FAM135B: variants seen among roughly 807,000 people sequenced by gnomAD.
FAM135B encodes family with sequence similarity 135 member B.
FAM135B carries 43 observed loss-of-function variants against 127.7 expected under a neutral mutation model. The ratio of observed to expected loss-of-function variants is 0.34; its 90% CI spans 0.26 to 0.43. The LOEUF (loss-of-function observed/expected upper bound fraction) is 0.43, where lower values mean the gene tolerates loss of function less well. Ranked by LOEUF, FAM135B falls within the 20% of genes least tolerant of loss-of-function variation. The pLI, the probability that FAM135B is intolerant of heterozygous loss-of-function variation, is 1.00. For synonymous variants in FAM135B, 670 were observed against 665.1 expected (o/e 1.01, Z -0.11); for missense variants, 1,558 against 1,725.6 (o/e 0.90, Z 1.72).
chr8:138,277,778 G>GCTCAA (rs1404139811), intron 3 of FAM135B, among the ~76,000 whole-genome samples: 12 of 152,238 alleles, frequency 7.9e-5, no homozygotes, highest in African/African-American at 2.9e-4. Flanking sequence ...TGGATCATAT[G>GCTCAA]CATTTACTGC....
chr8:138,402,555 C>A (rs1833212001), intron 1 of FAM135B, among the ~76,000 whole-genome samples: 2 of 152,240 alleles, frequency 1.3e-5, no homozygotes, highest in African/African-American at 4.8e-5. Flanking sequence ...GATTCCCCTA[C>A]ATTAACTCAC....
chr8:138,426,142 A>G (rs1383108721), intron 1 of FAM135B, among the ~76,000 whole-genome samples: 5 of 149,426 alleles, frequency 3.3e-5, no homozygotes, highest in Non-Finnish European at 5.9e-5. Flanking sequence ...GTGTGTGTAT[A>G]TATATATATA....
chr8:138,406,758 C>A (rs889074708), intron 1 of FAM135B, among the ~76,000 whole-genome samples: 13 of 150,870 alleles, frequency 8.6e-5, no homozygotes, highest in African/African-American at 3.2e-4. Context: ...TGGGACGTAT[C>A]TCGAAATAAT....
chr8:138,201,465 T>G (rs970289667), intron 7 of FAM135B, among the ~76,000 whole-genome samples: 8 of 152,102 alleles, frequency 5.3e-5, no homozygotes, highest in African/African-American at 1.9e-4. Flanking sequence ...TAGAGAGTAT[T>G]ATAAACTAAA....
intron 7 of FAM135B, among the ~76,000 whole-genome samples, chr8:138,240,986 G>A (rs1422066057): frequency 6.6e-6 from 1 of 152,180 alleles, no homozygotes; most frequent in Non-Finnish European, 1.5e-5. Flanking sequence ...GACGTTCTGA[G>A]GGCCAGCACT....
At chr8:138,344,009 T>C (rs1022851899) in intron 2 of FAM135B, among the ~76,000 whole-genome samples, 10 of 152,158 alleles carry the variant, frequency 6.6e-5, no homozygotes, top group African/African-American at 2.4e-4. Context: ...CCAGCACCTC[T>C]GGCTGCTGTG....
chr8:138,302,179 A>C (rs1481888446), intron 3 of FAM135B, among the ~76,000 whole-genome samples: 2 of 152,132 alleles, frequency 1.3e-5, no homozygotes, highest in African/African-American at 2.4e-5. Context: ...GAGAAGAAAA[A>C]TGAATTCCAA....
At chr8:138,464,848 C>T (rs1257739650) in intron 1 of FAM135B, among the ~76,000 whole-genome samples, 1 of 152,216 alleles carries the variant, frequency 6.6e-6, no homozygotes, top group East Asian at 1.9e-4. Flanking sequence ...GAGTGTGGCC[C>T]TCTGCACAAC....
chr8:138,189,545 G>A (rs1815918844), intron 9 of FAM135B, among the ~76,000 whole-genome samples: 1 of 152,210 alleles, frequency 6.6e-6, no homozygotes. Context: ...AAAGAGCACT[G>A]ACTGTAACAC....
At chr8:138,480,630 A>C (rs1814734897) in intron 1 of FAM135B, among the ~76,000 whole-genome samples, 1 of 152,220 alleles carries the variant, frequency 6.6e-6, no homozygotes, top group South Asian at 2.1e-4. Flanking sequence ...AAACAAATTC[A>C]AAGGAAAGAG....
intron 7 of FAM135B, among the ~76,000 whole-genome samples, chr8:138,227,253 T>C (rs1039138745): frequency 6.6e-6 from 1 of 152,172 alleles, no homozygotes; most frequent in African/African-American, 2.4e-5. Flanking sequence ...CCAATTATCC[T>C]CTTTAAAAGT....
intron 1 of FAM135B, among the ~76,000 whole-genome samples, chr8:138,380,834 T>C (rs1165658778): frequency 6.6e-6 from 1 of 151,862 alleles, no homozygotes; most frequent in Admixed American, 6.6e-5. Flanking sequence ...ATCTCAGTTA[T>C]ACCCACTTCC....
At chr8:138,254,545 A>G (rs534884316) in intron 5 of FAM135B, among the ~76,000 whole-genome samples, 95 of 152,346 alleles carry the variant, frequency 6.2e-4, no homozygotes, top group African/African-American at 2.2e-3. Flanking sequence ...TAGGAGCACA[A>G]TAAAGTCAGG....
intron 1 of FAM135B, among the ~76,000 whole-genome samples, chr8:138,463,826 A>G (rs1035018575): frequency 2.6e-5 from 4 of 152,184 alleles, no homozygotes; most frequent in African/African-American, 9.6e-5. Context: ...AGGGTCGAGT[A>G]GAATGAGATT....
At chr8:138,443,405 T>C (rs1038876136) in intron 1 of FAM135B, among the ~76,000 whole-genome samples, 2 of 152,088 alleles carry the variant, frequency 1.3e-5, no homozygotes, top group Non-Finnish European at 1.5e-5. Flanking sequence ...CAGTATTATA[T>C]GGGGTCCACT....
At position 138,152,199 on chromosome 8, in the gene FAM135B, T is replaced by C. The variant is rs762897675; in HGVS notation, c.2276A>G (p.Glu759Gly). 1.2e-6 allele frequency: 2 copies of C among 1,614,112 alleles called. No individual in the cohort carries two copies. Among genetic ancestry groups the C allele is most frequent in the Non-Finnish European group, 1.7e-6 (2 of 1,180,030 alleles). ...SISSLPFEED[E>G]REVALTKLTK... is the part of the protein sequence containing the mutation. ...TAACTTAGTGAGTGCCACCTCCCGC[T>C]CATCCTCCTCAAAAGGTAAAGAGCT... The change falls in exon 13 of 20, where the codon GAG becomes GGG. Residue 759 changes from glutamate to glycine, a missense_variant. Glu to Gly is a moderately conservative substitution (Grantham distance 98). Around this residue, in one of 5 missense-constraint regions of FAM135B, gnomAD observed 923 missense variants for 865.3 expected, o/e 1.07. Coordinates refer to ENST00000395297, the MANE Select transcript of FAM135B (RefSeq NM_015912.4).
intron 1 of FAM135B, among the ~76,000 whole-genome samples, chr8:138,476,760 T>C (rs1814479772): frequency 6.6e-6 from 1 of 152,194 alleles, no homozygotes; most frequent in Non-Finnish European, 1.5e-5. Context: ...CCCTTGTGCA[T>C]TAAGAATCTG....
intron 3 of FAM135B, among the ~76,000 whole-genome samples, chr8:138,279,805 G>A (rs1466728401): frequency 6.6e-6 from 1 of 152,016 alleles, no homozygotes; most frequent in East Asian, 1.9e-4. Context: ...TGTTCTGTAA[G>A]CTACTTAAGG....
chr8:138,361,002 T>G (rs1830387590), intron 2 of FAM135B, among the ~76,000 whole-genome samples: 3 of 152,002 alleles, frequency 2.0e-5, no homozygotes, highest in South Asian at 4.2e-4. Context: ...CTCAGTTCAC[T>G]GCAACCTCCA....
Sources: allele counts gnomAD v4.1 joint callset (sites outside exome capture counted in the v4.1 genomes callset), GRCh38; gene constraint gnomAD v4.1.1; regional missense constraint gnomAD v4.1.1; transcripts MANE v1.5; gene names NCBI Gene and HGNC (gene_info 2026-07-23, HGNC 2026-07-21).